The following FBXO34 variants were observed in gnomAD, a reference collection of about 807,000 sequenced individuals.
FBXO34 encodes F-box only protein 34.
In FBXO34, 12 loss-of-function variants were observed where a neutral mutation model predicts 24.5. The ratio of observed to expected loss-of-function variants is 0.49; its 90% CI spans 0.31 to 0.79. FBXO34 has a LOEUF of 0.79. Among genes scored for constraint, FBXO34 ranks in the 30% least tolerant of loss-of-function variants. The pLI, the probability that FBXO34 is intolerant of heterozygous loss-of-function variation, is 0.04. For missense variants in FBXO34, 823 were observed against 857.7 expected (o/e 0.96, Z 0.51); for synonymous variants, 320 against 311.9 (o/e 1.03, Z -0.27).
At chr14:55,366,859 G>T (rs1884690357), downstream of FBXO34, 1 of 152,542 alleles carries the variant, frequency 6.6e-6, no homozygotes, top group African/African-American at 2.4e-5. Flanking sequence ...AGATTTTAAT[G>T]AGCAGCAAAA....
At chr14:55,434,285 C>T in the FBXO34 span, among the ~76,000 whole-genome samples, 1 of 152,122 alleles carries the variant, frequency 6.6e-6, no homozygotes, top group Non-Finnish European at 1.5e-5. Flanking sequence ...TCTTATAGTT[C>T]TCAAAGTGTC....
chr14:55,402,954 T>A, the FBXO34 span, among the ~76,000 whole-genome samples: 14 of 56,382 alleles, frequency 2.5e-4, no homozygotes, highest in Admixed American at 4.6e-4. Flanking sequence ...TATATATATA[T>A]ATATATATAT....
Position 55,281,583 on chromosome 14 carries a change from C to T in FBXO34, c.-11+10046C>T, listed in dbSNP as rs538448834. On this transcript the variant is annotated intron_variant, in intron 1 of 1. Transcript: ENST00000313833. The stretch of plus-strand genomic sequence containing the variant: ...ATTTTCTGGGACTCCCTGCAATAAA[C>T]CTGGTATTCAGGCAGTTTCCTCAGC... 6.6e-5 allele frequency among the ~76,000 whole-genome samples: 10 copies of T among 152,270 alleles called. No individual in the cohort carries two copies. The East Asian group carries it at 9.6e-4, about 15-fold the overall frequency.
chr14:55,293,352 GTTT>G (rs1440033244), intron 1 of FBXO34, among the ~76,000 whole-genome samples: 1 of 151,542 alleles, frequency 6.6e-6, no homozygotes, highest in African/African-American at 2.4e-5. Context: ...TAATTTTTGT[GTTT>G]TTAGTAGAAG....
At chr14:55,370,048 C>T (rs773485420), downstream of FBXO34, 21 of 867,320 alleles carry the variant, frequency 2.4e-5, 1 homozygote, top group Non-Finnish European at 3.1e-5. Context: ...ATTCATTCCC[C>T]AAGTCTATGC....
the FBXO34 span, among the ~76,000 whole-genome samples, chr14:55,435,054 G>A: frequency 1.7e-4 from 26 of 152,096 alleles, 1 homozygote; most frequent in African/African-American, 6.0e-4. Context: ...AGAAAGAATA[G>A]ATTTTATTAA....
chr14:55,427,425 T>C, the FBXO34 span, among the ~76,000 whole-genome samples: 1 of 152,122 alleles, frequency 6.6e-6, no homozygotes, highest in Non-Finnish European at 1.5e-5. Flanking sequence ...TCCATTCAGA[T>C]CATATCTGAA....
chr14:55,433,135 T>C, the FBXO34 span, among the ~76,000 whole-genome samples: 4 of 151,642 alleles, frequency 2.6e-5, no homozygotes, highest in African/African-American at 9.7e-5. Flanking sequence ...TATTTTATTA[T>C]TTTTTTTAAT....
chr14:55,389,505 T>C, the FBXO34 span, among the ~76,000 whole-genome samples: 4 of 152,180 alleles, frequency 2.6e-5, no homozygotes, highest in African/African-American at 4.8e-5. Context: ...AATGGAAGCT[T>C]TACACCATTA....
At chr14:55,301,188 G>A (rs1882341445) in intron 1 of FBXO34, among the ~76,000 whole-genome samples, 1 of 152,166 alleles carries the variant, frequency 6.6e-6, no homozygotes, top group East Asian at 1.9e-4. Context: ...TGTAATCACA[G>A]CACTTTGGGA....
intron 1 of FBXO34, among the ~76,000 whole-genome samples, chr14:55,312,218 C>T (rs1461388331): frequency 1.3e-5 from 2 of 149,176 alleles, no homozygotes; most frequent in Non-Finnish European, 3.0e-5. Flanking sequence ...AACAAACAAA[C>T]AAAAAACCTT....
chr14:55,425,512 A>T, the FBXO34 span, among the ~76,000 whole-genome samples: 1 of 152,260 alleles, frequency 6.6e-6, no homozygotes, highest in East Asian at 1.9e-4. Context: ...ATGTGCTCCC[A>T]ATTAGGAATA....
Position 55,331,745 on chromosome 14 carries a change from G to GTA in FBXO34, c.-10-18622_-10-18621dup, listed in dbSNP as rs1297550986. On this transcript the variant is annotated intron_variant, in intron 1 of 1. Transcript: ENST00000313833. ...TATATATATGTATATATATATGTGT[G>GTA]TATATATATATATATGTATATATAT... Among the ~76,000 whole-genome samples the GTA allele has an allele frequency of 1.1e-3, 42 of 38,592 alleles. 16 individuals carry two copies. Among genetic ancestry groups the GTA allele is most frequent in the South Asian group, 8.7e-3 (13 of 1,498 alleles). The allele number at this position is 38,592 out of a possible 152,430, so 25.3% of individuals were successfully genotyped here.
At chr14:55,317,489 C>T (rs554707949) in intron 1 of FBXO34, among the ~76,000 whole-genome samples, 29 of 149,674 alleles carry the variant, frequency 1.9e-4, no homozygotes, top group Non-Finnish European at 3.8e-4. Context: ...TCAAAAAAAA[C>T]AAAAACAAAA....
intron 1 of FBXO34, among the ~76,000 whole-genome samples, chr14:55,312,201 C>T (rs778090477): frequency 3.2e-4 from 48 of 151,798 alleles, no homozygotes; most frequent in Non-Finnish European, 6.2e-4. Context: ...GACTTTGTCT[C>T]AAAACAAACA....
intron 1 of FBXO34, among the ~76,000 whole-genome samples, chr14:55,322,967 A>T (rs1444606216): frequency 2.8e-5 from 4 of 142,762 alleles, no homozygotes; most frequent in African/African-American, 1.1e-4. Flanking sequence ...AGGTCAGGAG[A>T]TCGAGACCAT....
chr14:55,325,209 A>G (rs1473455895), intron 1 of FBXO34, among the ~76,000 whole-genome samples: 1 of 152,232 alleles, frequency 6.6e-6, no homozygotes, highest in Admixed American at 6.5e-5. Flanking sequence ...GTTATATTTT[A>G]GCAGCATTGG....
At chr14:55,342,143 A>G (rs1460073319) in intron 1 of FBXO34, among the ~76,000 whole-genome samples, 1 of 152,188 alleles carries the variant, frequency 6.6e-6, no homozygotes, top group East Asian at 1.9e-4. Context: ...TGTCCCATCA[A>G]ACTTATCATA....
At chr14:55,329,706 T>A (rs563537051) in intron 1 of FBXO34, among the ~76,000 whole-genome samples, 6 of 152,286 alleles carry the variant, frequency 3.9e-5, no homozygotes, top group East Asian at 3.9e-4. Flanking sequence ...TCCTTTTTTT[T>A]AAGACCAGAA....
Sources: allele counts gnomAD v4.1 joint callset (sites outside exome capture counted in the v4.1 genomes callset), GRCh38; gene constraint gnomAD v4.1.1; transcripts MANE v1.5; gene names NCBI Gene and HGNC (gene_info 2026-07-23, HGNC 2026-07-21).